PKNOX2: variants seen among roughly 807,000 people sequenced by gnomAD.
PKNOX2 encodes homeobox protein PKNOX2.
In PKNOX2, 14 loss-of-function variants were observed where a neutral mutation model predicts 53.1. The observed-to-expected ratio is 0.26, with a 90% CI of 0.17 to 0.41. The LOEUF (loss-of-function observed/expected upper bound fraction) is 0.41, where lower values mean the gene tolerates loss of function less well. Among genes scored for constraint, PKNOX2 ranks in the 10% least tolerant of loss-of-function variants. PKNOX2 has a pLI of 1.00. For missense variants in PKNOX2, 496 were observed against 602.8 expected (o/e 0.82, Z 1.85); for synonymous variants, 257 against 242.8 (o/e 1.06, Z -0.54).
At chr11:125,248,986 T>C (rs1943791774) in intron 2 of PKNOX2, among the ~76,000 whole-genome samples, 2 of 144,726 alleles carry the variant, frequency 1.4e-5, no homozygotes, top group Non-Finnish European at 3.0e-5. Flanking sequence ...ATAATATATG[T>C]ATATATAACA....
intron 2 of PKNOX2, among the ~76,000 whole-genome samples, chr11:125,282,759 G>T (rs1946648374): frequency 6.6e-6 from 1 of 152,208 alleles, no homozygotes. Context: ...TGATGGAATT[G>T]TTCTATGTCT....
intron 7 of PKNOX2, among the ~76,000 whole-genome samples, chr11:125,398,610 C>T: frequency 6.6e-6 from 1 of 152,240 alleles, no homozygotes; most frequent in Non-Finnish European, 1.5e-5. Context: ...TGGTCAAGGT[C>T]ACCTCAAACC....
chr11:125,310,523 TATAA>T (rs1948740478), intron 2 of PKNOX2, among the ~76,000 whole-genome samples: 1 of 151,538 alleles, frequency 6.6e-6, no homozygotes, highest in Non-Finnish European at 1.5e-5. Flanking sequence ...AATAATAATA[TATAA>T]ATAAATAATC....
In PKNOX2 at chr11:125,367,833, C is replaced by T. The variant is rs780599525; in HGVS notation, c.88-13C>T. ...CATGCTAACCCACCACCTCCCCTTT[C>T]TTCTCTCTGCAGATGACGGCAACCG... On this transcript the variant is annotated splice_polypyrimidine_tract_variant and intron_variant, in intron 4 of 12. Coordinates refer to ENST00000298282, the MANE Select transcript of PKNOX2 (RefSeq NM_001382323.2). The T allele has an allele frequency of 6.2e-7, 1 of 1,607,826 alleles. No homozygotes were observed. The highest frequency in any genetic ancestry group is 8.5e-7 in the Non-Finnish European group (1 of 1,177,620).
At chr11:125,250,869 C>T (rs561046304) in intron 2 of PKNOX2, among the ~76,000 whole-genome samples, 1 of 152,376 alleles carries the variant, frequency 6.6e-6, no homozygotes, top group South Asian at 2.1e-4. Context: ...CACAGCTGCA[C>T]AACTGGAGAT....
At chr11:125,369,745 C>T (rs1952423237) in intron 5 of PKNOX2, among the ~76,000 whole-genome samples, 1 of 152,170 alleles carries the variant, frequency 6.6e-6, no homozygotes, top group Non-Finnish European at 1.5e-5. Flanking sequence ...ACTGCACAGA[C>T]ACCTGTAATT....
At chr11:125,408,632 A>AG (rs1338698612) in intron 7 of PKNOX2, among the ~76,000 whole-genome samples, 3 of 152,216 alleles carry the variant, frequency 2.0e-5, no homozygotes, top group African/African-American at 7.2e-5. Context: ...GGAGACGCCA[A>AG]GGGGGATTTA....
intron 2 of PKNOX2, among the ~76,000 whole-genome samples, chr11:125,247,826 G>T (rs1037210717): frequency 1.3e-5 from 2 of 152,160 alleles, no homozygotes; most frequent in Admixed American, 1.3e-4. Context: ...TTAATGTATT[G>T]CCCCTGTATC....
chr11:125,250,475 C>T (rs928323467), intron 2 of PKNOX2, among the ~76,000 whole-genome samples: 1 of 152,146 alleles, frequency 6.6e-6, no homozygotes. Flanking sequence ...CCGGTGCGCA[C>T]AGCCTTTTAG....
chr11:125,259,910 T>C (rs1944706364), intron 2 of PKNOX2, among the ~76,000 whole-genome samples: 1 of 151,662 alleles, frequency 6.6e-6, no homozygotes, highest in South Asian at 2.1e-4. Context: ...AGGGCCTTGC[T>C]CTGTTGCCCA....
Position 125,431,616 on chromosome 11 carries a change from C to T in PKNOX2, c.*224C>T. ...CACTTCCCTGGAACTGCCGAGGACT[C>T]TGTTTGGCGGGGCCAGTCGAGCAGC... On this transcript the variant is annotated 3_prime_UTR_variant, in exon 13 of 13. Coordinates refer to ENST00000298282, the MANE Select transcript of PKNOX2 (RefSeq NM_001382323.2). 2 of 573,330 alleles carry T rather than the reference C, an allele frequency of 3.5e-6. No homozygotes were observed. Among genetic ancestry groups the T allele is most frequent in the Non-Finnish European group, 6.1e-6 (2 of 325,208 alleles). The allele number at this position is 573,330 out of a possible 1,614,324, so 35.5% of individuals were successfully genotyped here. A position where few individuals can be genotyped will look rare whatever the true frequency, so the allele number is the denominator to read the frequency against.
intron 2 of PKNOX2, among the ~76,000 whole-genome samples, chr11:125,317,591 C>T (rs1336628037): frequency 6.6e-6 from 1 of 152,220 alleles, no homozygotes; most frequent in Non-Finnish European, 1.5e-5. Context: ...TGACTGGTAA[C>T]ATTTTGAAAG....
chr11:125,283,316 C>T (rs886423349), intron 2 of PKNOX2, among the ~76,000 whole-genome samples: 1 of 152,198 alleles, frequency 6.6e-6, no homozygotes, highest in Non-Finnish European at 1.5e-5. Context: ...AAGTGGCTGA[C>T]ACCTCAAGAA....
chr11:125,406,607 C>T (rs1337873131), intron 7 of PKNOX2, among the ~76,000 whole-genome samples: 2 of 152,088 alleles, frequency 1.3e-5, no homozygotes, highest in Non-Finnish European at 2.9e-5. Flanking sequence ...TGTCTGACCC[C>T]GAAGCACATA....
chr11:125,382,300 G>T (rs539832312), intron 5 of PKNOX2, among the ~76,000 whole-genome samples: 1 of 152,106 alleles, frequency 6.6e-6, no homozygotes, highest in Non-Finnish European at 1.5e-5. Context: ...ATATAACCTT[G>T]GTGCACACAC....
intron 7 of PKNOX2, among the ~76,000 whole-genome samples, chr11:125,409,330 T>C (rs948534043): frequency 6.6e-6 from 1 of 152,156 alleles, no homozygotes; most frequent in Admixed American, 6.5e-5. Context: ...GGAAAACATG[T>C]CTTACCTGCC....
At chr11:125,254,099 C>T (rs1233825341) in intron 2 of PKNOX2, among the ~76,000 whole-genome samples, 5 of 152,132 alleles carry the variant, frequency 3.3e-5, no homozygotes, top group Admixed American at 1.3e-4. Context: ...AATGGAGATG[C>T]GAACCACTTG....
At position 125,202,000 on chromosome 11, in the gene PKNOX2, A is replaced by G. The variant is rs1012124311; in HGVS notation, c.-200-33045A>G. Among the ~76,000 whole-genome samples the G allele has an allele frequency of 2.0e-5, 3 of 152,236 alleles. No individual in the cohort carries two copies. The East Asian group carries it at 5.8e-4, about 29-fold the overall frequency. ...TACAGCCCCCTTCATGAAGCCAGAC[A>G]GAATTAAGCCTTTTGTTTCCTGTTT... is the stretch of plus-strand genomic sequence containing the variant. On this transcript the variant is annotated intron_variant, in intron 1 of 12. Transcript: ENST00000298282.
At chr11:125,409,398 G>A (rs1426393132) in intron 7 of PKNOX2, among the ~76,000 whole-genome samples, 1 of 152,218 alleles carries the variant, frequency 6.6e-6, no homozygotes, top group Non-Finnish European at 1.5e-5. Flanking sequence ...TGTGGGGAGA[G>A]GAGAGTCTGT....
Sources: gnomAD v4.1 joint callset for allele counts (sites outside exome capture counted in the v4.1 genomes callset) on GRCh38, gnomAD v4.1.1 for gene constraint, MANE v1.5 for transcripts, NCBI Gene and HGNC (gene_info 2026-07-23, HGNC 2026-07-21) for gene names.